Variants in ATP2B2 observed in about 807,000 individuals in gnomAD.
ATP2B2 encodes ATPase plasma membrane Ca2+ transporting 2.
In ATP2B2, 15 loss-of-function variants were observed where a neutral mutation model predicts 120.0. The ratio of observed to expected loss-of-function variants is 0.12; its 90% CI spans 0.08 to 0.19. The LOEUF is 0.19. Ranked by LOEUF, ATP2B2 falls within the 10% of genes least tolerant of loss-of-function variation. ATP2B2 has a pLI of 1.00. For missense variants in ATP2B2, 1,045 were observed against 1,719.8 expected, an observed-to-expected ratio of 0.61 and a Z score of 6.94; for synonymous variants, 694 against 700.3, an observed-to-expected ratio of 0.99 and a Z score of 0.14.
intron 2 of ATP2B2, among the ~76,000 whole-genome samples, chr3:10,600,265 C>A (rs567640811): frequency 1.3e-5 from 2 of 152,208 alleles, no homozygotes; most frequent in African/African-American, 4.8e-5. Flanking sequence ...ACTGGATGCC[C>A]AAGGAGAGCT....
In ATP2B2 at chr3:10,398,249, C is replaced by T. The variant is rs528459497; in HGVS notation, c.781+2704G>A. ...CAGCGACCCAAGAACCAGCACGAAC[C>T]CACTGAGATCTCCAGGTTCCCGCAT... On this transcript the variant is annotated intron_variant, in intron 5 of 22. Coordinates refer to ENST00000360273, the MANE Select transcript of ATP2B2 (RefSeq NM_001001331.4). 1.2e-4 allele frequency among the ~76,000 whole-genome samples: 19 copies of T among 152,346 alleles called. 2 individuals are homozygous for T. In the South Asian group the frequency reaches 3.7e-3, roughly 30 times the overall value.
intron 2 of ATP2B2, among the ~76,000 whole-genome samples, chr3:10,439,029 T>C (rs754868761): frequency 2.9e-4 from 44 of 152,150 alleles, no homozygotes; most frequent in Non-Finnish European, 5.3e-4. Context: ...CTGAAGCTGC[T>C]TGGTAGAAAA....
At chr3:10,705,392 G>T (rs918544356) in intron 1 of ATP2B2, among the ~76,000 whole-genome samples, 8 of 152,156 alleles carry the variant, frequency 5.3e-5, no homozygotes, top group African/African-American at 1.9e-4. Flanking sequence ...GACCTGTAAT[G>T]TCCTCCCCAC....
At chr3:10,492,106 G>T (rs777522949) in intron 1 of ATP2B2, among the ~76,000 whole-genome samples, 1 of 152,158 alleles carries the variant, frequency 6.6e-6, no homozygotes, top group African/African-American at 2.4e-5. Context: ...TAATTCAAAT[G>T]ACTGTAGTTT....
chr3:10,535,618 T>C (rs1379103627), intron 2 of ATP2B2, among the ~76,000 whole-genome samples: 2 of 152,224 alleles, frequency 1.3e-5, no homozygotes, highest in African/African-American at 4.8e-5. Context: ...TGGAGTCATG[T>C]GGTATATAAC....
chr3:10,337,036 G>A (rs2060135387), intron 22 of ATP2B2, among the ~76,000 whole-genome samples: 1 of 152,150 alleles, frequency 6.6e-6, no homozygotes, highest in African/African-American at 2.4e-5. Context: ...AACCAGGGAG[G>A]GTGAGCCCAG....
intron 2 of ATP2B2, among the ~76,000 whole-genome samples, chr3:10,551,433 C>G (rs934872058): frequency 4.6e-5 from 7 of 152,236 alleles, no homozygotes; most frequent in Non-Finnish European, 1.0e-4. Context: ...TCTGTGATCA[C>G]TGTCAGTGCT....
At chr3:10,656,358 G>C (rs6796464) in intron 1 of ATP2B2, among the ~76,000 whole-genome samples, 1 of 151,822 alleles carries the variant, frequency 6.6e-6, no homozygotes. Flanking sequence ...CAGCCAACCT[G>C]TCTAGCTCTC....
intron 1 of ATP2B2, among the ~76,000 whole-genome samples, chr3:10,484,669 TG>T (rs1174462135): frequency 6.6e-6 from 1 of 152,104 alleles, no homozygotes; most frequent in Admixed American, 6.5e-5. Flanking sequence ...CCCATGGCCC[TG>T]GGGGTTGAGC....
intron 2 of ATP2B2, among the ~76,000 whole-genome samples, chr3:10,538,053 G>C (rs1189523282): frequency 3.3e-5 from 5 of 152,290 alleles, no homozygotes; most frequent in African/African-American, 1.2e-4. Context: ...TTAATGTTTT[G>C]TTAAAGATTT....
chr3:10,452,507 T>C (rs2064096794), intron 1 of ATP2B2, among the ~76,000 whole-genome samples: 1 of 152,096 alleles, frequency 6.6e-6, no homozygotes, highest in African/African-American at 2.4e-5. Flanking sequence ...GCCTGCTCAG[T>C]GTAAATGTGT....
At chr3:10,480,094 C>T (rs6442174) in intron 1 of ATP2B2, among the ~76,000 whole-genome samples, 74,635 of 151,920 alleles carry the variant, frequency 0.49, 20,108 homozygotes, top group East Asian at 0.99. Context: ...TGAGACCCTG[C>T]CTCACTAATT....
intron 1 of ATP2B2, among the ~76,000 whole-genome samples, chr3:10,460,516 C>G (rs1239590559): frequency 6.6e-6 from 1 of 152,166 alleles, no homozygotes; most frequent in African/African-American, 2.4e-5. Context: ...GGTGCAACCC[C>G]CTTCCAACAC....
intron 3 of ATP2B2, among the ~76,000 whole-genome samples, chr3:10,528,461 C>G (rs2067144977): frequency 6.6e-6 from 1 of 152,178 alleles, no homozygotes; most frequent in Non-Finnish European, 1.5e-5. Flanking sequence ...CTATAATGTG[C>G]CTGATCACTT....
chr3:10,593,198 C>A (rs992122579), intron 2 of ATP2B2, among the ~76,000 whole-genome samples: 1 of 152,196 alleles, frequency 6.6e-6, no homozygotes, highest in Non-Finnish European at 1.5e-5. Flanking sequence ...GGGAAGGTCA[C>A]CTGAAAAATA....
Position 10,359,915 on chromosome 3 carries a change from T to A in ATP2B2, c.1868A>T (p.Tyr623Phe). The change falls in exon 13 of 23, where the codon TAC becomes TTC. Residue 623 changes from tyrosine (Y) to phenylalanine (F), a missense_variant. Transcript: ENST00000360273. ...IKLPDESFRMYSKGASEIVLK... is the reference protein window; with the variant it reads ...IKLPDESFRMFSKGASEIVLK... ...CACGATCTCAGAAGCCCCCTTGCTG[T>A]ACATGCGGAAGCTCTCGTCGGGCAG... 1 of 1,614,248 alleles carries A rather than the reference T, an allele frequency of 6.2e-7. No homozygotes were observed. Among genetic ancestry groups the A allele is most frequent in the African/African-American group, 1.3e-5 (1 of 75,072 alleles).
chr3:10,475,394 C>A (rs2065167825), intron 1 of ATP2B2, among the ~76,000 whole-genome samples: 2 of 152,220 alleles, frequency 1.3e-5, no homozygotes, highest in Admixed American at 6.5e-5. Flanking sequence ...CAGGCTCCTG[C>A]AGAATGCCTC....
At chr3:10,694,442 T>C (rs1478566207) in intron 1 of ATP2B2, among the ~76,000 whole-genome samples, 1 of 152,230 alleles carries the variant, frequency 6.6e-6, no homozygotes, top group East Asian at 1.9e-4. Context: ...GACTGGCATT[T>C]TGCACTCCTC....
chr3:10,358,869 C>T lies in ATP2B2; in HGVS notation c.1958G>A (p.Arg653Gln), dbSNP rs758833343. Residue 653 changes from arginine to glutamine, a missense_variant, in exon 14 of 23, where the codon CGG (arginine) becomes CAG (glutamine). Around this residue, in one of 11 missense-constraint regions of ATP2B2, gnomAD observed 343 missense variants for 536.8 expected, o/e 0.64. Transcript: ENST00000360273. ...AATCACCTTCTTTACCATCTCGTCC[C>T]GGTCGCGGGGCCGGAAGACACGAGG... ...GEPRVFRPRDRDEMVKKVIEP... is the reference protein window; with the variant it reads ...GEPRVFRPRDQDEMVKKVIEP... 15 of 1,614,114 alleles carry T rather than the reference C, an allele frequency of 9.3e-6. 1 individual carries two copies. The highest frequency in any genetic ancestry group is 3.3e-4 in the Middle Eastern group (2 of 6,062).
Sources: gnomAD v4.1 joint callset for allele counts (sites outside exome capture counted in the v4.1 genomes callset) on GRCh38, gnomAD v4.1.1 for gene constraint, gnomAD v4.1.1 regional missense constraint, MANE v1.5 for transcripts, NCBI Gene and HGNC (gene_info 2026-07-23, HGNC 2026-07-21) for gene names.